Variants in SRGAP1 observed in about 807,000 individuals in gnomAD.
The protein encoded by SRGAP1 is SLIT-ROBO Rho GTPase-activating protein 1.
SRGAP1 carries 43 observed loss-of-function variants against 121.9 expected under a neutral mutation model. The ratio of observed to expected loss-of-function variants is 0.35; its 90% CI spans 0.28 to 0.46. SRGAP1 has a LOEUF of 0.46. Among genes scored for constraint, SRGAP1 ranks in the 20% least tolerant of loss-of-function variants. The probability of loss-of-function intolerance (pLI) is 1.00; values close to 1 mark genes in which losing one functional copy is unlikely to be tolerated. For synonymous variants in SRGAP1, 447 were observed against 485.4 expected, an observed-to-expected ratio of 0.92 and a Z score of 1.04; for missense variants, 1,102 against 1,350.9, an observed-to-expected ratio of 0.82 and a Z score of 2.89.
chr12:64,059,558 A>G (rs142915118), intron 6 of SRGAP1, among the ~76,000 whole-genome samples: 225 of 152,270 alleles, frequency 1.5e-3, no homozygotes, highest in Admixed American at 9.2e-3. Flanking sequence ...AGTAGAATCT[A>G]TCTTCTTTCA....
intron 6 of SRGAP1, among the ~76,000 whole-genome samples, chr12:64,046,609 C>G (rs767977944): frequency 6.8e-4 from 103 of 152,012 alleles, no homozygotes; most frequent in Non-Finnish European, 1.2e-3. Flanking sequence ...AAAAATGACT[C>G]CTAGGTTACT....
chr12:63,863,083 C>T (rs894811739), intron 1 of SRGAP1, among the ~76,000 whole-genome samples: 2 of 152,126 alleles, frequency 1.3e-5, no homozygotes, highest in African/African-American at 2.4e-5. Context: ...CTTTTATTTA[C>T]TTCATGACAG....
chr12:63,892,061 A>G (rs2136297641), intron 1 of SRGAP1, among the ~76,000 whole-genome samples: 1 of 152,228 alleles, frequency 6.6e-6, no homozygotes, highest in Non-Finnish European at 1.5e-5. Flanking sequence ...CAGAAATTCT[A>G]CCATACGACT....
intron 4 of SRGAP1, among the ~76,000 whole-genome samples, chr12:64,021,543 A>G (rs1367568056): frequency 6.6e-6 from 1 of 152,220 alleles, no homozygotes; most frequent in Non-Finnish European, 1.5e-5. Flanking sequence ...CAGGGTGCAC[A>G]GTAAGTGGCA....
At chr12:64,010,010 G>T (rs191320533) in intron 3 of SRGAP1, among the ~76,000 whole-genome samples, 1 of 152,090 alleles carries the variant, frequency 6.6e-6, no homozygotes, top group East Asian at 1.9e-4. Context: ...TGAATTAAGG[G>T]AATGTATCAT....
chr12:64,138,640 T>C (rs1372000478), intron 21 of SRGAP1, among the ~76,000 whole-genome samples: 9 of 151,542 alleles, frequency 5.9e-5, no homozygotes, highest in Non-Finnish European at 1.3e-4. Context: ...TTGATTGATA[T>C]ATCTATTTTG....
chr12:63,939,406 A>G (rs1000584558), intron 1 of SRGAP1, among the ~76,000 whole-genome samples: 2 of 152,138 alleles, frequency 1.3e-5, no homozygotes, highest in Non-Finnish European at 2.9e-5. Flanking sequence ...GATATTTGCA[A>G]TATACTGTTT....
chr12:64,088,833 G>A (rs1472571491), intron 11 of SRGAP1, among the ~76,000 whole-genome samples: 2 of 152,090 alleles, frequency 1.3e-5, no homozygotes, highest in Admixed American at 1.3e-4. Context: ...CCAGTCATGC[G>A]GGGACAATGA....
At chr12:63,876,512 CAGTG>C (rs769612405) in intron 1 of SRGAP1, among the ~76,000 whole-genome samples, 49 of 152,136 alleles carry the variant, frequency 3.2e-4, no homozygotes, top group Non-Finnish European at 3.5e-4. Context: ...TGTGAAATTA[CAGTG>C]TTTATGGAAC....
chr12:63,893,848 T>C (rs1900664140), intron 1 of SRGAP1, among the ~76,000 whole-genome samples: 1 of 152,214 alleles, frequency 6.6e-6, no homozygotes, highest in African/African-American at 2.4e-5. Context: ...TTTTTGTTTG[T>C]TTGTTTTTGA....
intron 15 of SRGAP1, among the ~76,000 whole-genome samples, chr12:64,103,970 C>T (rs1336641523): frequency 6.6e-6 from 1 of 152,170 alleles, no homozygotes; most frequent in Non-Finnish European, 1.5e-5. Context: ...ATGGAACTCA[C>T]AAGTATGTGT....
intron 1 of SRGAP1, among the ~76,000 whole-genome samples, chr12:63,969,305 T>C (rs2032871395): frequency 6.6e-6 from 1 of 152,056 alleles, no homozygotes; most frequent in African/African-American, 2.4e-5. Flanking sequence ...TATTCATGAC[T>C]GATTTTGATT....
intron 1 of SRGAP1, among the ~76,000 whole-genome samples, chr12:63,978,470 T>C (rs1001374049): frequency 1.3e-5 from 2 of 152,236 alleles, no homozygotes; most frequent in African/African-American, 4.8e-5. Flanking sequence ...GACTGTGGTT[T>C]TTTGTGAGTG....
At chr12:63,923,626 A>T (rs760855993) in intron 1 of SRGAP1, among the ~76,000 whole-genome samples, 1 of 152,182 alleles carries the variant, frequency 6.6e-6, no homozygotes, top group African/African-American at 2.4e-5. Flanking sequence ...TTTCTCTCCT[A>T]TTAGACTAAG....
In SRGAP1 at chr12:63,996,018, GT is replaced by G. The variant is rs199810294; in HGVS notation, c.426+5957del. On this transcript the variant is annotated intron_variant, in intron 3 of 21. Transcript: ENST00000355086. ...TACAGATCTCTAAGGCTCTGACCTT[GT>G]TTTTTTTTTTAAAAAAAGTACCATA... Among the ~76,000 whole-genome samples, 37 of 145,024 alleles carry G rather than the reference GT, an allele frequency of 2.6e-4. No homozygotes were observed. The East Asian group carries it at 2.6e-3, about 10-fold the overall frequency.
intron 4 of SRGAP1, among the ~76,000 whole-genome samples, chr12:64,041,399 T>A (rs6581531): frequency 0.19 from 23,059 of 122,034 alleles, 2,059 homozygotes; most frequent in South Asian, 0.23. Flanking sequence ...TTATTTATTT[T>A]TTTGAGGCAA....
chr12:64,097,324 G>A lies in SRGAP1; in HGVS notation c.1762G>A (p.Glu588Lys), dbSNP rs371344520. 23 of 1,613,184 alleles carry A rather than the reference G, an allele frequency of 1.4e-5. No individual in the cohort carries two copies. Among genetic ancestry groups the A allele is most frequent in the Non-Finnish European group, 1.8e-5 (21 of 1,179,838 alleles). ...TCTGAAGCTCTATTTCCGTGGGCTG[G>A]AAAACCCCCTCTTTCCTAAGGAAAG... ...GVLKLYFRGLENPLFPKERFN... is the reference protein window; with the variant it reads ...GVLKLYFRGLKNPLFPKERFN... Residue 588 changes from glutamate (E) to lysine (K), a missense_variant, in exon 15 of 22, where the codon GAA (glutamate) becomes AAA (lysine). Transcript: ENST00000355086.
intron 1 of SRGAP1, among the ~76,000 whole-genome samples, chr12:63,904,389 A>G (rs750962909): frequency 2.6e-5 from 4 of 152,062 alleles, no homozygotes; most frequent in Non-Finnish European, 4.4e-5. Context: ...TTCCTGTTCT[A>G]TTGATTGGAA....
At chr12:64,025,431 G>A (rs1367430684) in intron 4 of SRGAP1, among the ~76,000 whole-genome samples, 1 of 152,144 alleles carries the variant, frequency 6.6e-6, no homozygotes, top group African/African-American at 2.4e-5. Flanking sequence ...GCTTGAGAAG[G>A]GAGGAGTGGG....
Sources: allele counts gnomAD v4.1 joint callset (sites outside exome capture counted in the v4.1 genomes callset), GRCh38; gene constraint gnomAD v4.1.1; transcripts MANE v1.5; gene names NCBI Gene and HGNC (gene_info 2026-07-23, HGNC 2026-07-21).